Variants in PI4KB observed in about 807,000 individuals in gnomAD.
The protein encoded by PI4KB is PtdIns 4-kinase beta.
PI4KB carries 23 observed loss-of-function variants against 81.4 expected under a neutral mutation model. The ratio of observed to expected loss-of-function variants is 0.28; its 90% CI spans 0.20 to 0.40. The LOEUF (loss-of-function observed/expected upper bound fraction) is 0.40, where lower values mean the gene tolerates loss of function less well. Ranked by LOEUF, PI4KB falls within the 10% of genes least tolerant of loss-of-function variation. The probability of loss-of-function intolerance (pLI) is 1.00; values close to 1 mark genes in which losing one functional copy is unlikely to be tolerated. For synonymous variants in PI4KB, 381 were observed against 406.8 expected (o/e 0.94, Z 0.76); for missense variants, 651 against 1,036.6 (o/e 0.63, Z 5.11).
rs763179539 is a variant in PI4KB, at chr1:151,316,255, T to G, written c.227A>C (p.Glu76Ala). 6.2e-7 allele frequency: 1 copy of G among 1,614,072 alleles called. No homozygotes were observed. Among genetic ancestry groups the G allele is most frequent in the African/African-American group, 1.3e-5 (1 of 75,024 alleles). Reference protein sequence around the residue: ...VAVSSRGTPLELVNGDGVDSE... With the variant: ...VAVSSRGTPLALVNGDGVDSE... ...GTCCACACCATCCCCATTGACCAAC[T>G]CCAGTGGGGTGCCTCTGCTAGAGAC... Residue 76 changes from glutamate (E) to alanine (A), a missense_variant, in exon 2 of 12, where the codon GAG (glutamate) becomes GCG (alanine). By Grantham distance (107) the Glu-to-Ala change is moderately radical (BLOSUM62 -1). This residue lies in a region of PI4KB where 314 missense variants were observed against 397.8 expected (regional missense o/e 0.79). Coordinates refer to ENST00000368873, the MANE Select transcript of PI4KB (RefSeq NM_001369623.2).
chr1:151,310,625 C>T lies in PI4KB; in HGVS notation c.910-370G>A, dbSNP rs373377267. On this transcript the variant is annotated intron_variant, in intron 2 of 11. Coordinates refer to ENST00000368873, the MANE Select transcript of PI4KB (RefSeq NM_001369623.2). ...AAGCTTCCCTGCTCTTTTTTTTTAC[C>T]CACTCACATGCTCTCAACCAAATCC... Among the ~76,000 whole-genome samples, 9 of 151,988 alleles carry T rather than the reference C, an allele frequency of 5.9e-5. No individual in the cohort carries two copies. In the East Asian group the frequency reaches 1.4e-3, roughly 23 times the overall value.
At chr1:151,307,931 T>C (rs1361468161) in intron 3 of PI4KB, 130 bp from the exon 4 acceptor site, 1 of 657,450 alleles carries the variant, frequency 1.5e-6, no homozygotes, top group East Asian at 2.7e-5. Context: ...AAGCAGCTGC[T>C]TTTTAGTCTT....
chr1:151,301,169 A>G (rs1435443337), intron 8 of PI4KB, among the ~76,000 whole-genome samples: 1 of 152,094 alleles, frequency 6.6e-6, no homozygotes, highest in African/African-American at 2.4e-5. Flanking sequence ...CCGGCAGAAT[A>G]ATCTGTGTAG....
In PI4KB at chr1:151,315,611, G is replaced by C; in HGVS notation, c.871C>G (p.Arg291Gly). The C allele has an allele frequency of 6.2e-7, 1 of 1,614,042 alleles. No individual in the cohort carries two copies. The highest frequency in any genetic ancestry group is 8.5e-7 in the Non-Finnish European group (1 of 1,179,994). ...TCCACTTTAGGGTTGCTGGCTGTTC[G>C]TTTCAGGTTGCTGCTGAGACTTATG... ...ASISLSSNLK[R>G]TASNPKVENE... Residue 291 changes from arginine (R) to glycine (G), a missense_variant, in exon 2 of 12, where the codon CGA becomes GGA. Arg to Gly is a moderately radical substitution (Grantham distance 125, BLOSUM62 -2). Transcript: ENST00000368873.
At chr1:151,299,523 T>TTA (rs1695078891) in intron 8 of PI4KB, among the ~76,000 whole-genome samples, 2 of 151,956 alleles carry the variant, frequency 1.3e-5, no homozygotes, top group Admixed American at 6.6e-5. Flanking sequence ...AACCTCGTCT[T>TTA]TACTAAAAAT....
intron 9 of PI4KB, among the ~76,000 whole-genome samples, chr1:151,297,712 G>C (rs1307090880): frequency 6.6e-6 from 1 of 151,840 alleles, no homozygotes; most frequent in African/African-American, 2.4e-5. Context: ...TTTTCTTTTT[G>C]TATTTTAGTA....
At chr1:151,313,629 T>C (rs757632015) in intron 2 of PI4KB, among the ~76,000 whole-genome samples, 1 of 152,242 alleles carries the variant, frequency 6.6e-6, no homozygotes, top group Non-Finnish European at 1.5e-5. Flanking sequence ...AGAATCTGGA[T>C]GACTCTTCTT....
chr1:151,324,012 C>T (rs556442392), intron 1 of PI4KB, among the ~76,000 whole-genome samples: 3 of 151,414 alleles, frequency 2.0e-5, no homozygotes, highest in Non-Finnish European at 4.4e-5. Flanking sequence ...AGTGCAGTGG[C>T]GCCATCTCAG....
intron 5 of PI4KB, among the ~76,000 whole-genome samples, chr1:151,304,407 G>T (rs587644293): frequency 1.4e-5 from 2 of 146,950 alleles, no homozygotes; most frequent in East Asian, 4.0e-4. Context: ...GCAATGGTGT[G>T]ATCTCGGCTC....
chr1:151,306,038 T>C (rs1695728179), intron 5 of PI4KB, 98 bp downstream of exon 5: 15 of 961,752 alleles, frequency 1.6e-5, no homozygotes, highest in African/African-American at 9.7e-5. Context: ...GATACTTGCC[T>C]TACCCTGCCT....
chr1:151,313,347 G>A (rs150990548), intron 2 of PI4KB, among the ~76,000 whole-genome samples: 3,172 of 152,172 alleles, frequency 0.021, 58 homozygotes, highest in Non-Finnish European at 0.032. Context: ...CCTAAATGAT[G>A]TAAGTATTCA....
In PI4KB at chr1:151,309,590, G is replaced by C. The variant is rs185564540; in HGVS notation, c.954+621C>G. Among the ~76,000 whole-genome samples, 153 of 152,324 alleles carry C rather than the reference G, an allele frequency of 1.0e-3. No homozygotes were observed. The Middle Eastern group carries it at 0.01, about 10-fold the overall frequency. On this transcript the variant is annotated intron_variant, in intron 3 of 11. Coordinates refer to ENST00000368873, the MANE Select transcript of PI4KB (RefSeq NM_001369623.2). Reference sequence around the variant, plus strand: ...GACCAAAGGGTCAGGGGTTAGTCCAGAGGGAACAAGAAAGGAGAGGGGATT... The same window carrying C: ...GACCAAAGGGTCAGGGGTTAGTCCACAGGGAACAAGAAAGGAGAGGGGATT...
intron 4 of PI4KB, among the ~76,000 whole-genome samples, chr1:151,307,025 A>G (rs587653319): frequency 2.6e-5 from 4 of 152,298 alleles, no homozygotes; most frequent in Admixed American, 2.6e-4. Flanking sequence ...CAGTAAGCCA[A>G]GATTGTGCCA....
chr1:151,294,387 G>A (rs749201471), intron 10 of PI4KB, 22 bp downstream of exon 10: 6 of 1,612,328 alleles, frequency 3.7e-6, no homozygotes, highest in Non-Finnish European at 5.1e-6. Flanking sequence ...CCCCCGAGAG[G>A]CACCTCTCCT....
chr1:151,301,916 C>A lies in PI4KB; in HGVS notation c.1677G>T (p.Leu559=). 1 of 1,614,076 alleles carries A rather than the reference C, an allele frequency of 6.2e-7. No homozygotes were observed. Among genetic ancestry groups the A allele is most frequent in the East Asian group, 2.2e-5 (1 of 44,888 alleles). ...CATCCCCACACTTGACAATGACTGA[C>A]AGGAGCCGCCAATTGGGGAGATGGC... ...PYGHLPNWRL[L]SVIVKCGDDL... Residue 559 remains leucine, a synonymous_variant, in exon 8 of 12, where the codon CTG becomes CTT. Coordinates refer to ENST00000368873, the MANE Select transcript of PI4KB (RefSeq NM_001369623.2).
rs1694427392 is a variant in PI4KB at position 151,293,005 on chromosome 1, G to A, written c.2298C>T (p.Ser766=). The part of the protein sequence containing the change: ...QGSQLPCFHG[S]STIRNLKERF... The stretch of plus-strand genomic sequence containing the variant: ...TCTCTTTGAGGTTTCGAATGGTGCT[G>A]GAGCCATGGAAGCAAGGAAGCTGAG... The change falls in exon 12 of 12, where the codon TCC becomes TCT. Residue 766 remains serine, a synonymous_variant. Coordinates refer to ENST00000368873, the MANE Select transcript of PI4KB (RefSeq NM_001369623.2). 3 of 1,614,000 alleles carry A rather than the reference G, an allele frequency of 1.9e-6. No individual in the cohort carries two copies. Among genetic ancestry groups the A allele is most frequent in the Non-Finnish European group, 2.5e-6 (3 of 1,180,006 alleles).
At chr1:151,296,717 A>G (rs1417458661) in intron 9 of PI4KB, among the ~76,000 whole-genome samples, 1 of 150,866 alleles carries the variant, frequency 6.6e-6, no homozygotes, top group Non-Finnish European at 1.5e-5. Context: ...CGATTTGCCC[A>G]CCTCGGCCTC....
chr1:151,293,876 G>A, intron 11 of PI4KB, 142 bp downstream of exon 11: 1 of 870,464 alleles, frequency 1.1e-6, no homozygotes. Flanking sequence ...GGAGAAACAA[G>A]GCACTGGACC....
Position 151,316,354 on chromosome 1 carries a change from A to G in PI4KB, c.128T>C (p.Ile43Thr), listed in dbSNP as rs574473630. Reference protein sequence around the residue: ...ITEGVGELSVIDPEVAQKACQ... With the variant: ...ITEGVGELSVTDPEVAQKACQ... ...GGCCTTCTGGGCCACCTCAGGGTCA[A>G]TCACTGATAGTTCCCCGACCCCCTC... The change falls in exon 2 of 12, where the codon ATT becomes ACT. Residue 43 changes from isoleucine (I) to threonine (T), a missense_variant. Physicochemically the swap from Ile to Thr is moderately conservative, Grantham distance 89. Transcript: ENST00000368873. The G allele has an allele frequency of 6.2e-7, 1 of 1,612,488 alleles. No homozygotes were observed. The highest frequency in any genetic ancestry group is 8.5e-7 in the Non-Finnish European group (1 of 1,179,210).
Sources: allele counts gnomAD v4.1 joint callset (sites outside exome capture counted in the v4.1 genomes callset), GRCh38; gene constraint gnomAD v4.1.1; regional missense constraint gnomAD v4.1.1; transcripts MANE v1.5; gene names NCBI Gene and HGNC (gene_info 2026-07-23, HGNC 2026-07-21).